The following SEZ6L variants were observed in gnomAD, a reference collection of about 807,000 sequenced individuals.
SEZ6L encodes seizure 6-like protein.
Under a neutral mutation model 106.2 loss-of-function variants are expected in SEZ6L, and 37 were observed. The observed-to-expected ratio is 0.35, with a 90% CI of 0.27 to 0.46. SEZ6L has a LOEUF of 0.46. Ranked by LOEUF, SEZ6L falls within the 20% of genes least tolerant of loss-of-function variation. The pLI, the probability that SEZ6L is intolerant of heterozygous loss-of-function variation, is 1.00. For missense variants in SEZ6L, 1,172 were observed against 1,332.8 expected (o/e 0.88, Z 1.88); for synonymous variants, 541 against 570.4 (o/e 0.95, Z 0.73).
chr22:26,189,070 A>G (rs759478689), intron 1 of SEZ6L, among the ~76,000 whole-genome samples: 1 of 152,212 alleles, frequency 6.6e-6, no homozygotes, highest in Non-Finnish European at 1.5e-5. Flanking sequence ...TTTTGTTATA[A>G]GTCATAGTTT....
At chr22:26,254,649 C>T (rs1010833956) in intron 1 of SEZ6L, among the ~76,000 whole-genome samples, 2 of 152,056 alleles carry the variant, frequency 1.3e-5, no homozygotes, top group African/African-American at 4.8e-5. Context: ...TGTAAAACAC[C>T]CAACAGAGTG....
At chr22:26,336,998 A>T (rs574637081) in intron 9 of SEZ6L, among the ~76,000 whole-genome samples, 3 of 152,294 alleles carry the variant, frequency 2.0e-5, no homozygotes, top group African/African-American at 7.2e-5. Flanking sequence ...AAAGTGGAAT[A>T]TAACAACATA....
chr22:26,248,907 G>A (rs2079464303), intron 1 of SEZ6L, among the ~76,000 whole-genome samples: 1 of 151,568 alleles, frequency 6.6e-6, no homozygotes, highest in Non-Finnish European at 1.5e-5. Context: ...ACCTGCCCAT[G>A]CCCCATGCAT....
intron 9 of SEZ6L, among the ~76,000 whole-genome samples, chr22:26,321,587 A>T (rs1041582163): frequency 4.6e-5 from 7 of 152,212 alleles, no homozygotes; most frequent in African/African-American, 1.7e-4. Flanking sequence ...CCACAGAGGG[A>T]GTGAAAATAG....
intron 1 of SEZ6L, among the ~76,000 whole-genome samples, chr22:26,229,980 T>C (rs1463187803): frequency 6.6e-6 from 1 of 152,232 alleles, no homozygotes; most frequent in East Asian, 1.9e-4. Flanking sequence ...GAATTGTTCT[T>C]AATGCATGTG....
chr22:26,238,548 A>G (rs1470065596), intron 1 of SEZ6L, among the ~76,000 whole-genome samples: 1 of 152,250 alleles, frequency 6.6e-6, no homozygotes. Context: ...CCCAGGAGAC[A>G]GCAGCATAAG....
chr22:26,180,992 A>G (rs911416606), intron 1 of SEZ6L, among the ~76,000 whole-genome samples: 1 of 152,184 alleles, frequency 6.6e-6, no homozygotes, highest in South Asian at 2.1e-4. Flanking sequence ...CACTCTGCCA[A>G]TTCTGTGTTG....
rs1938422849 is a variant in SEZ6L, at chr22:26,169,553, C to A, written c.-117C>A. 1 of 409,498 alleles carries A rather than the reference C, an allele frequency of 2.4e-6. No homozygotes were observed. The highest frequency in any genetic ancestry group is 7.0e-5 in the South Asian group (1 of 14,202). The allele number at this position is 409,498 out of a possible 1,614,324, so 25.4% of individuals were successfully genotyped here. ...GGGGGCTCCGGAAGCTGCCCCGGCCCGCGGCCTCCTCCCTCGCTCCCGCTT... is the reference window on the plus strand; with the variant it reads ...GGGGGCTCCGGAAGCTGCCCCGGCCAGCGGCCTCCTCCCTCGCTCCCGCTT... On this transcript the variant is annotated 5_prime_UTR_variant, in exon 1 of 17. Transcript: ENST00000248933.
chr22:26,257,954 A>T (rs2079877639), intron 1 of SEZ6L, among the ~76,000 whole-genome samples: 1 of 152,204 alleles, frequency 6.6e-6, no homozygotes, highest in African/African-American at 2.4e-5. Flanking sequence ...CTTTCAGAAG[A>T]ATAAATGCTT....
chr22:26,376,359 G>A (rs1202304558), intron 15 of SEZ6L, among the ~76,000 whole-genome samples: 3 of 152,198 alleles, frequency 2.0e-5, no homozygotes, highest in Non-Finnish European at 4.4e-5. Context: ...AATTCTGGAA[G>A]AGAAGTGGTG....
At chr22:26,327,476 CT>C (rs1205641429) in intron 9 of SEZ6L, among the ~76,000 whole-genome samples, 1 of 145,742 alleles carries the variant, frequency 6.9e-6, no homozygotes, top group African/African-American at 2.5e-5. Flanking sequence ...ACACACACCC[CT>C]CACACACACC....
chr22:26,234,294 C>T (rs2145753225), intron 1 of SEZ6L, among the ~76,000 whole-genome samples: 1 of 152,302 alleles, frequency 6.6e-6, no homozygotes, highest in South Asian at 2.1e-4. Context: ...AAAGCCCACG[C>T]TCTCTTGGCT....
intron 3 of SEZ6L, among the ~76,000 whole-genome samples, chr22:26,294,742 AC>A: frequency 6.6e-6 from 1 of 151,856 alleles, no homozygotes; most frequent in Non-Finnish European, 1.5e-5. Context: ...ACACACACAC[AC>A]ACACACACAC....
At chr22:26,316,046 C>T (rs1319238080) in intron 9 of SEZ6L, among the ~76,000 whole-genome samples, 2 of 151,884 alleles carry the variant, frequency 1.3e-5, no homozygotes, top group Non-Finnish European at 2.9e-5. Context: ...GAGTAAGACT[C>T]TGTCTCAAAA....
intron 1 of SEZ6L, among the ~76,000 whole-genome samples, chr22:26,278,505 T>C (rs553470431): frequency 6.2e-4 from 94 of 152,314 alleles, no homozygotes; most frequent in Non-Finnish European, 1.1e-3. Flanking sequence ...TGTGTGCCCA[T>C]TGTTTAGCTT....
intron 1 of SEZ6L, among the ~76,000 whole-genome samples, chr22:26,191,889 G>A (rs1262147837): frequency 6.6e-6 from 1 of 152,134 alleles, no homozygotes; most frequent in Non-Finnish European, 1.5e-5. Context: ...AAGTGATTGT[G>A]ACTAAATTTA....
At chr22:26,268,128 A>G (rs184252845) in intron 1 of SEZ6L, among the ~76,000 whole-genome samples, 2 of 152,304 alleles carry the variant, frequency 1.3e-5, no homozygotes, top group African/African-American at 2.4e-5. Flanking sequence ...TTTCCTTCCA[A>G]TGCATTCTCT....
chr22:26,306,541 T>C (rs774294845), intron 6 of SEZ6L, among the ~76,000 whole-genome samples: 12 of 152,134 alleles, frequency 7.9e-5, no homozygotes, highest in Non-Finnish European at 1.6e-4. Flanking sequence ...GTTTCTGACA[T>C]GATAGGAAAT....
chr22:26,375,509 G>A (rs1601655230), intron 14 of SEZ6L, 66 bp from the exon 15 acceptor site: 1 of 1,302,468 alleles, frequency 7.7e-7, no homozygotes, highest in South Asian at 1.2e-5. Context: ...GGAGAACTGG[G>A]CAGTTGGGCA....
Sources: gnomAD v4.1 joint callset for allele counts (sites outside exome capture counted in the v4.1 genomes callset) on GRCh38, gnomAD v4.1.1 for gene constraint, MANE v1.5 for transcripts, NCBI Gene and HGNC (gene_info 2026-07-23, HGNC 2026-07-21) for gene names.